OMA1: variants seen among roughly 807,000 people sequenced by gnomAD.
The protein encoded by OMA1 is metalloendopeptidase OMA1, mitochondrial.
A neutral mutation model predicts 30.9 loss-of-function variants in OMA1; 38 were observed. The observed-to-expected ratio is 1.23, with a 90% CI of 0.95 to 1.61. The LOEUF (loss-of-function observed/expected upper bound fraction) is 1.61, where lower values mean the gene tolerates loss of function less well. Among genes scored for constraint, OMA1 ranks in the 40% most tolerant of loss-of-function variants. OMA1 has a pLI of 0.00. For synonymous variants in OMA1, 173 were observed against 121.9 expected (o/e 1.42, Z -2.76); for missense variants, 461 against 349.2 (o/e 1.32, Z -2.55).
intron 7 of OMA1, among the ~76,000 whole-genome samples, chr1:58,517,481 T>C (rs548793820): frequency 6.6e-6 from 1 of 152,332 alleles, no homozygotes; most frequent in East Asian, 1.9e-4. Context: ...TATCTATTTC[T>C]TTCTCAGTCT....
At chr1:58,490,028 A>C (rs1645651103) in intron 8 of OMA1, among the ~76,000 whole-genome samples, 1 of 152,264 alleles carries the variant, frequency 6.6e-6, no homozygotes. Flanking sequence ...TCTAAAAATC[A>C]GAGTGCCTCT....
intron 7 of OMA1, 145 bp from the exon 8 acceptor site, chr1:58,506,354 G>A (rs890651580): frequency 2.9e-5 from 16 of 542,456 alleles, no homozygotes; most frequent in African/African-American, 2.1e-4. Context: ...TGTTACATAC[G>A]TATACATGTG....
chr1:58,480,881 T>C lies in OMA1; in HGVS notation c.*84A>G. 5 of 714,596 alleles carry C rather than the reference T, an allele frequency of 7.0e-6. No individual in the cohort carries two copies. The highest frequency in any genetic ancestry group is 1.2e-5 in the Non-Finnish European group (5 of 426,596). The allele number at this position is 714,596 out of a possible 1,614,324, so 44.3% of individuals were successfully genotyped here. A position where few individuals can be genotyped will look rare whatever the true frequency, so the allele number is the denominator to read the frequency against. ...CCCTGAATATCCTTTTTTTTTTCAC[T>C]TCAAACATCATTTTTTAAAAAGTAA... On this transcript the variant is annotated 3_prime_UTR_variant, in exon 9 of 9. Transcript: ENST00000371226.
intron 7 of OMA1, among the ~76,000 whole-genome samples, chr1:58,517,730 T>A: frequency 6.6e-6 from 1 of 152,152 alleles, no homozygotes; most frequent in East Asian, 1.9e-4. Flanking sequence ...AAAATCATCA[T>A]AATGGATCAG....
chr1:58,525,527 T>C (rs966745532), intron 7 of OMA1, among the ~76,000 whole-genome samples: 2 of 152,112 alleles, frequency 1.3e-5, no homozygotes, highest in African/African-American at 2.4e-5. Context: ...GTGTAATTCC[T>C]ACATACAAAA....
At chr1:58,503,237 TAG>T (rs1190956387) in intron 8 of OMA1, among the ~76,000 whole-genome samples, 1 of 152,150 alleles carries the variant, frequency 6.6e-6, no homozygotes, top group Non-Finnish European at 1.5e-5. Flanking sequence ...ATCATTGCTT[TAG>T]AGACAGGCCC....
intron 7 of OMA1, among the ~76,000 whole-genome samples, chr1:58,508,057 T>G (rs1461512534): frequency 6.6e-6 from 1 of 152,118 alleles, no homozygotes; most frequent in African/African-American, 2.4e-5. Context: ...CTATTCAATC[T>G]CTAAGTAACA....
chr1:58,507,888 CACAA>C (rs1422062012), intron 7 of OMA1, among the ~76,000 whole-genome samples: 2 of 152,130 alleles, frequency 1.3e-5, no homozygotes, highest in Non-Finnish European at 2.9e-5. Context: ...AGAATTCTAA[CACAA>C]ACAAAAAACC....
rs748544856 is a variant in OMA1 at position 58,480,987 on chromosome 1, A to T, written c.1553T>A (p.Val518Asp). 1.2e-6 allele frequency: 1 copy of T among 869,528 alleles called. No homozygotes were observed. The highest frequency in any genetic ancestry group is 1.3e-5 in the South Asian group (1 of 76,138). The allele number at this position is 869,528 out of a possible 1,614,324, so 53.9% of individuals were successfully genotyped here. A position where few individuals can be genotyped will look rare whatever the true frequency, so the allele number is the denominator to read the frequency against. The change falls in exon 9 of 9, where the codon GTT (valine) becomes GAT (aspartate). Residue 518 changes from valine to aspartate, a missense_variant. Physicochemically the swap from Val to Asp is radical, Grantham distance 152. Coordinates refer to ENST00000371226, the MANE Select transcript of OMA1 (RefSeq NM_145243.5). ...AATTCAACTGCCCGTTCTTTTCTCA[A>T]CTATGTATGTTAATGGTATTTGCTC... ...KQEQIPLTYI[V>D]EKRTGS
intron 7 of OMA1, among the ~76,000 whole-genome samples, chr1:58,524,683 T>G (rs1646322168): frequency 6.6e-6 from 1 of 152,182 alleles, no homozygotes; most frequent in South Asian, 2.1e-4. Flanking sequence ...GCTGCAGACC[T>G]CAATCTACAG....
intron 7 of OMA1, among the ~76,000 whole-genome samples, chr1:58,525,177 C>T (rs1323491012): frequency 6.6e-6 from 1 of 152,114 alleles, no homozygotes; most frequent in Admixed American, 6.5e-5. Context: ...AGACTAATAT[C>T]TACATGTATT....
chr1:58,546,353 G>A (rs1393859101), intron 1 of OMA1, among the ~76,000 whole-genome samples: 3 of 152,210 alleles, frequency 2.0e-5, no homozygotes, highest in Non-Finnish European at 4.4e-5. Context: ...CGGAGCCGCG[G>A]ATAAGGGCGG....
At chr1:58,496,897 G>A (rs1645811855) in intron 8 of OMA1, among the ~76,000 whole-genome samples, 2 of 152,128 alleles carry the variant, frequency 1.3e-5, no homozygotes, top group Admixed American at 1.3e-4. Context: ...TTTGCAGGGT[G>A]GTGCTAAATT....
chr1:58,496,981 C>A (rs1204086477), intron 8 of OMA1, among the ~76,000 whole-genome samples: 1 of 152,186 alleles, frequency 6.6e-6, no homozygotes, highest in East Asian at 1.9e-4. Context: ...CCATCACCAT[C>A]CAACCCACTG....
At chr1:58,533,725 TAAAA>T (rs369448873) in intron 5 of OMA1, among the ~76,000 whole-genome samples, 1 of 152,112 alleles carries the variant, frequency 6.6e-6, no homozygotes, top group Non-Finnish European at 1.5e-5. Context: ...AGACAGGTGA[TAAAA>T]ATAGTATTTA....
intron 1 of OMA1, among the ~76,000 whole-genome samples, chr1:58,540,155 G>A (rs1646584044): frequency 6.6e-6 from 1 of 152,048 alleles, no homozygotes; most frequent in East Asian, 1.9e-4. Flanking sequence ...AGAGTACTCA[G>A]AAGGGTTTTG....
chr1:58,482,904 T>G (rs2100352388), intron 8 of OMA1, among the ~76,000 whole-genome samples: 1 of 152,200 alleles, frequency 6.6e-6, no homozygotes, highest in East Asian at 1.9e-4. Context: ...TAAGTTTTAC[T>G]CTAAACAGCC....
At chr1:58,494,987 C>G (rs1365883755) in intron 8 of OMA1, among the ~76,000 whole-genome samples, 2 of 152,132 alleles carry the variant, frequency 1.3e-5, no homozygotes, top group Admixed American at 6.5e-5. Flanking sequence ...TATTGCAGCA[C>G]TATTCACAAT....
At chr1:58,485,436 A>G (rs957857685) in intron 8 of OMA1, among the ~76,000 whole-genome samples, 5 of 151,910 alleles carry the variant, frequency 3.3e-5, no homozygotes, top group Admixed American at 6.6e-5. Context: ...TAGAAACACT[A>G]TATGTTCTTC....
Sources: gnomAD v4.1 joint callset for allele counts (sites outside exome capture counted in the v4.1 genomes callset) on GRCh38, gnomAD v4.1.1 for gene constraint, MANE v1.5 for transcripts, NCBI Gene and HGNC (gene_info 2026-07-23, HGNC 2026-07-21) for gene names.